SON: variants seen among roughly 807,000 people sequenced by gnomAD.
SON encodes the protein SON DNA and RNA binding protein, also known as protein SON.
SON carries 4 observed loss-of-function variants against 173.3 expected under a neutral mutation model. The observed-to-expected ratio is 0.02, with a 90% confidence interval of 0.01 to 0.05. The LOEUF is 0.05. SON is among the 10% of genes least tolerant of loss of function. The probability of loss-of-function intolerance (pLI) is 1.00; values close to 1 mark genes in which losing one functional copy is unlikely to be tolerated. For synonymous variants in SON, 1,190 were observed against 1,105.9 expected, an observed-to-expected ratio of 1.08 and a Z score of -1.51; for missense variants, 2,626 against 3,055.3, an observed-to-expected ratio of 0.86 and a Z score of 3.31.
In SON at chr21:33,551,890, G is replaced by T. The variant is rs370344763; in HGVS notation, c.2659G>T (p.Ala887Ser). ...TGGCACCATGGATGCTCAGATGTTA[G>T]CGTCTGGTACCATGGATGCCCAGAT... ...ASGTMDAQML[A>S]SGTMDAQMLA... The change falls in exon 3 of 12, where the codon GCG (alanine) becomes TCG (serine). Residue 887 changes from alanine (A) to serine (S), a missense_variant. Ala to Ser is a moderately conservative substitution (Grantham distance 99, BLOSUM62 1). Transcript: ENST00000356577. 2 of 1,614,076 alleles carry T rather than the reference G, an allele frequency of 1.2e-6. No individual in the cohort carries two copies. The highest frequency in any genetic ancestry group is 3.3e-5 in the Admixed American group (2 of 60,018).
At chr21:33,561,983 AT>A (rs2086078468) in intron 6 of SON, among the ~76,000 whole-genome samples, 2 of 152,156 alleles carry the variant, frequency 1.3e-5, no homozygotes, top group African/African-American at 4.8e-5. Context: ...TGCTTAGAAG[AT>A]TAGACTCAAA....
chr21:33,574,474 C>T (rs919211843), intron 9 of SON, among the ~76,000 whole-genome samples: 7 of 152,156 alleles, frequency 4.6e-5, no homozygotes, highest in Non-Finnish European at 1.0e-4. Flanking sequence ...TTTAGAAAAG[C>T]TTATATTAGC....
chr21:33,563,186 T>C (rs1400733910), intron 6 of SON, among the ~76,000 whole-genome samples: 2 of 152,176 alleles, frequency 1.3e-5, no homozygotes, highest in Non-Finnish European at 2.9e-5. Context: ...CTAGATTCTC[T>C]TATGTGGTTA....
chr21:33,543,339 C>G (rs1457532164), intron 1 of SON, 170 bp downstream of exon 1: 1 of 634,990 alleles, frequency 1.6e-6, no homozygotes, highest in Non-Finnish European at 2.8e-6. Context: ...CCCCCAGCCG[C>G]TCCCTTCCTT....
intron 2 of SON, 23 bp from the exon 3 acceptor site, chr21:33,549,453 A>T (rs1413771339): frequency 6.6e-7 from 1 of 1,514,620 alleles, no homozygotes; most frequent in South Asian, 1.4e-5. Context: ...ATGTCTGACA[A>T]AATTAATTTC....
chr21:33,548,979 T>A (rs551052503), intron 2 of SON, among the ~76,000 whole-genome samples: 1 of 152,326 alleles, frequency 6.6e-6, no homozygotes, highest in East Asian at 1.9e-4. Flanking sequence ...GCATTAGTTG[T>A]GGAAAGAATT....
rs745477787 is a variant in SON at position 33,553,956 on chromosome 21, C to T, written c.4725C>T (p.Arg1575=). The T allele has an allele frequency of 3.1e-6, 5 of 1,613,992 alleles. No homozygotes were observed. In the South Asian group the frequency reaches 5.5e-5, roughly 18 times the overall value. The part of the protein sequence containing the change: ...KILPTSETKQ[R]TVLDTYPGVS... ...TGCCCACCAGTGAGACTAAACAGCG[C>T]ACAGTATTGGATACCTACCCTGGTG... The change falls in exon 3 of 12, where the codon CGC becomes CGT. Residue 1575 remains arginine, a synonymous_variant. Coordinates refer to ENST00000356577, the MANE Select transcript of SON (RefSeq NM_138927.4).
chr21:33,551,373 T>A lies in SON; in HGVS notation c.2142T>A (p.His714Gln). 1 of 1,614,090 alleles carries A rather than the reference T, an allele frequency of 6.2e-7. No homozygotes were observed. The highest frequency in any genetic ancestry group is 8.5e-7 in the Non-Finnish European group (1 of 1,179,960). Residue 714 changes from histidine to glutamine, a missense_variant, in exon 3 of 12, where the codon CAT (histidine) becomes CAA (glutamine). Transcript: ENST00000356577. ...ATCCCTTGATGGCCCCAGAATCCCATATATTAGCTTCTAACACCATGGAGA... is the reference window on the plus strand; with the variant it reads ...ATCCCTTGATGGCCCCAGAATCCCAAATATTAGCTTCTAACACCATGGAGA... ...GVDPLMAPES[H>Q]ILASNTMETH...
In SON at chr21:33,559,410, T is replaced by G; in HGVS notation, c.6468+34T>G. On this transcript the variant is annotated intron_variant, in intron 5 of 11. Coordinates refer to ENST00000356577, the MANE Select transcript of SON (RefSeq NM_138927.4). The surrounding 1 kb of genome is among the most constrained non-coding windows in gnomAD (Gnocchi z 4.1). The stretch of plus-strand genomic sequence containing the variant: ...TAGTGCTTATGGATTGGTAAAACAG[T>G]GTAACTTGTGGAACTATTTAAATAA... The G allele has an allele frequency of 6.4e-7, 1 of 1,564,896 alleles. No individual in the cohort carries two copies. Among genetic ancestry groups the G allele is most frequent in the Non-Finnish European group, 8.6e-7 (1 of 1,159,418 alleles).
rs1367219133 is a variant in SON at position 33,577,453 on chromosome 21, G to C, written c.*1029G>C. On this transcript the variant is annotated 3_prime_UTR_variant, in exon 12 of 12. Coordinates refer to ENST00000356577, the MANE Select transcript of SON (RefSeq NM_138927.4). ...CTAAACTTTATTTTCAAAAGCTTAA[G>C]GCCCAAATACAAACTTCTCTGGAAT... is the stretch of plus-strand genomic sequence containing the variant. The C allele has an allele frequency of 1.3e-5, 2 of 152,476 alleles. No individual in the cohort carries two copies. Among genetic ancestry groups the C allele is most frequent in the African/African-American group, 4.8e-5 (2 of 41,392 alleles). The allele number at this position is 152,476 out of a possible 1,614,324, so 9.4% of individuals were successfully genotyped here.
chr21:33,557,015 T>C (rs1029354577), intron 3 of SON, 141 bp from the exon 4 acceptor site: 1 of 642,660 alleles, frequency 1.6e-6, no homozygotes, highest in Non-Finnish European at 2.4e-6. Flanking sequence ...GTTTTTTCCT[T>C]TTTTTTTTTC....
rs143771064 is a variant in SON, at chr21:33,550,317, G to T, written c.1086G>T (p.Pro362=). ...CCATGACAAGACCGCAGGAGTTGCC[G>T]GAGCTGCCTAAGACCACAGCGTTGG... The part of the protein sequence containing the change: ...DSSMTRPQEL[P]ELPKTTALEL... The change falls in exon 3 of 12, where the codon CCG becomes CCT. Residue 362 remains proline (P), a synonymous_variant. Coordinates refer to ENST00000356577, the MANE Select transcript of SON (RefSeq NM_138927.4). 4 of 1,613,984 alleles carry T rather than the reference G, an allele frequency of 2.5e-6. No individual in the cohort carries two copies. The East Asian group carries it at 6.7e-5, about 27-fold the overall frequency.
chr21:33,560,217 T>C lies in SON; in HGVS notation c.6657+442T>C, dbSNP rs954018901. ...CTGGATTGGAAAAGGTCATTGTAGG[T>C]TGATGTGAGCATCTTGGGTACATAG... On this transcript the variant is annotated intron_variant, in intron 6 of 11. Coordinates refer to ENST00000356577, the MANE Select transcript of SON (RefSeq NM_138927.4). 3.4e-5 allele frequency: 52 copies of C among 1,529,884 alleles called. No individual in the cohort carries two copies. The South Asian group carries it at 4.7e-4, about 14-fold the overall frequency. The allele number at this position is 1,529,884 out of a possible 1,614,324, so 94.8% of individuals were successfully genotyped here. A position where few individuals can be genotyped will look rare whatever the true frequency, so the allele number is the denominator to read the frequency against.
Position 33,554,853 on chromosome 21 carries a change from C to T in SON, c.5622C>T (p.Ser1874=). 1.2e-6 allele frequency: 2 copies of T among 1,613,934 alleles called. No homozygotes were observed. The highest frequency in any genetic ancestry group is 1.7e-6 in the Non-Finnish European group (2 of 1,180,030). The part of the protein sequence containing the change: ...RSRSRRRRRS[S]RSRSKSRGRR... Reference sequence around the variant, plus strand: ...GTTCAAGACGCAGGAGGAGAAGCAGCAGATCAAGATCAAAGTCTAGAGGAA... The same window carrying T: ...GTTCAAGACGCAGGAGGAGAAGCAGTAGATCAAGATCAAAGTCTAGAGGAA... Residue 1874 remains serine (S), a synonymous_variant, in exon 3 of 12, where the codon AGC becomes AGT. Coordinates refer to ENST00000356577, the MANE Select transcript of SON (RefSeq NM_138927.4).
At chr21:33,547,433 T>C (rs950953851) in intron 2 of SON, among the ~76,000 whole-genome samples, 1 of 152,160 alleles carries the variant, frequency 6.6e-6, no homozygotes, top group African/African-American at 2.4e-5. Context: ...TGTTTAGAAA[T>C]GAAGGATTTA....
intron 7 of SON, chr21:33,567,583 G>A: frequency 4.3e-6 from 1 of 233,918 alleles, no homozygotes; most frequent in Non-Finnish European, 8.5e-6. Flanking sequence ...AAATGTGTAG[G>A]TATTAATAGT....
chr21:33,549,769 A>G lies in SON; in HGVS notation c.538A>G (p.Asn180Asp), dbSNP rs1018003560. ...PTRAFGPSET[N>D]ESPAVVLEPP... is the part of the protein sequence containing the mutation. ...AAGAGCATTTGGCCCATCTGAGACC[A>G]ATGAATCCCCTGCAGTTGTGCTAGA... The change falls in exon 3 of 12, where the codon AAT becomes GAT. Residue 180 changes from asparagine (N) to aspartate (D), a missense_variant. Physicochemically the swap from Asn to Asp is conservative, Grantham distance 23. This residue lies in a region of SON where 757 missense variants were observed against 730.1 expected (regional missense o/e 1.04). Transcript: ENST00000356577. 6.2e-7 allele frequency: 1 copy of G among 1,614,220 alleles called. No individual in the cohort carries two copies. Among genetic ancestry groups the G allele is most frequent in the Non-Finnish European group, 8.5e-7 (1 of 1,180,044 alleles).
chr21:33,567,159 T>C lies in SON; in HGVS notation c.6660T>C (p.Pro2220=). 1 of 1,570,394 alleles carries C rather than the reference T, an allele frequency of 6.4e-7. No homozygotes were observed. The highest frequency in any genetic ancestry group is 8.7e-7 in the Non-Finnish European group (1 of 1,143,754). The change falls in exon 7 of 12, where the codon CCT becomes CCC. Residue 2220 remains proline, a splice_region_variant and synonymous_variant. Coordinates refer to ENST00000356577, the MANE Select transcript of SON (RefSeq NM_138927.4). ...NVFSSNLPSE[P]VDISTAMSER... ...ATTATCTCTGTTTTCTTTCTTAGCC[T>C]GTGGACATCTCTACAGCAATGAGTG... is the stretch of plus-strand genomic sequence containing the variant.
At chr21:33,564,849 G>A (rs1428916860) in intron 6 of SON, among the ~76,000 whole-genome samples, 62 of 82,218 alleles carry the variant, frequency 7.5e-4, no homozygotes, top group Middle Eastern at 0.011. Context: ...CAATAAGGGC[G>A]AAACTCCATC....
Sources: allele counts gnomAD v4.1 joint callset (sites outside exome capture counted in the v4.1 genomes callset), GRCh38; gene constraint gnomAD v4.1.1; regional missense constraint gnomAD v4.1.1; non-coding constraint Gnocchi (gnomAD v3.1); transcripts MANE v1.5; gene names NCBI Gene and HGNC (gene_info 2026-07-23, HGNC 2026-07-21).